DLGAP1: variants seen among roughly 807,000 people sequenced by gnomAD.
DLGAP1 encodes the protein DLG associated protein 1, also known as disks large-associated protein 1.
A neutral mutation model predicts 90.8 loss-of-function variants in DLGAP1; 11 were observed. That is an observed-to-expected ratio of 0.12 (90% CI 0.08 to 0.20). DLGAP1 has a LOEUF of 0.20. DLGAP1 is among the 10% of genes least tolerant of loss of function. DLGAP1 has a pLI of 1.00. For missense variants in DLGAP1, 1,050 were observed against 1,333.8 expected, an observed-to-expected ratio of 0.79 and a Z score of 3.31; for synonymous variants, 558 against 540.7, an observed-to-expected ratio of 1.03 and a Z score of -0.44.
intron 9 of DLGAP1, among the ~76,000 whole-genome samples, chr18:3,566,389 C>CACTA (rs1599274329): frequency 4.0e-5 from 6 of 150,582 alleles, no homozygotes; most frequent in Admixed American, 2.7e-4. Flanking sequence ...CACACACACA[C>CACTA]TATATATATA....
intron 1 of DLGAP1, among the ~76,000 whole-genome samples, chr18:4,436,897 T>C (rs1034886900): frequency 6.6e-6 from 1 of 152,210 alleles, no homozygotes. Context: ...AACAAAGTCC[T>C]ATTTATGCCA....
At chr18:4,178,115 T>C (rs2077142679) in intron 1 of DLGAP1, among the ~76,000 whole-genome samples, 1 of 151,976 alleles carries the variant, frequency 6.6e-6, no homozygotes, top group African/African-American at 2.4e-5. Flanking sequence ...AAGTATTATC[T>C]ACTTCTGAGA....
chr18:3,567,256 A>T (rs2054487526), intron 9 of DLGAP1, among the ~76,000 whole-genome samples: 1 of 152,174 alleles, frequency 6.6e-6, no homozygotes, highest in Admixed American at 6.5e-5. Flanking sequence ...TGCACACAGT[A>T]TTTATATGTA....
In DLGAP1 at chr18:3,916,731, C is replaced by T. The variant is rs1310718850; in HGVS notation, c.-72-36591G>A. ...TGTGCTTGCAACCATTAGGCTTCAC[C>T]GCCTCCTACCTAATCTAGGAGCTGA... On this transcript the variant is annotated intron_variant, in intron 3 of 12. Transcript: ENST00000315677. Among the ~76,000 whole-genome samples the T allele has an allele frequency of 3.9e-5, 6 of 152,206 alleles. 1 individual carries two copies. The South Asian group carries it at 6.2e-4, about 16-fold the overall frequency.
chr18:3,985,972 T>C (rs1033943323), intron 3 of DLGAP1: 6 of 152,228 alleles, frequency 3.9e-5, no homozygotes, highest in African/African-American at 1.4e-4. Flanking sequence ...CTCCATGATG[T>C]AGCGGAAAGT....
At chr18:4,326,415 T>C (rs751785963) in intron 1 of DLGAP1, among the ~76,000 whole-genome samples, 3 of 152,072 alleles carry the variant, frequency 2.0e-5, no homozygotes, top group Non-Finnish European at 4.4e-5. Context: ...AGTTCAGTCA[T>C]TGTGGAAAGC....
intron 3 of DLGAP1, among the ~76,000 whole-genome samples, chr18:3,922,614 A>G (rs556649166): frequency 6.6e-6 from 1 of 152,340 alleles, no homozygotes; most frequent in South Asian, 2.1e-4. Flanking sequence ...ATTCCTTTTA[A>G]TAGCTGCATA....
chr18:4,353,707 C>T (rs570545265), intron 1 of DLGAP1, among the ~76,000 whole-genome samples: 9 of 150,590 alleles, frequency 6.0e-5, no homozygotes, highest in Admixed American at 3.3e-4. Flanking sequence ...AACATACACA[C>T]GATATATAAA....
intron 10 of DLGAP1, among the ~76,000 whole-genome samples, chr18:3,513,957 A>C (rs532661349): frequency 6.6e-6 from 1 of 152,334 alleles, no homozygotes; most frequent in Non-Finnish European, 1.5e-5. Flanking sequence ...GCAAAGCTGC[A>C]AGGAGTTTCA....
intron 3 of DLGAP1, among the ~76,000 whole-genome samples, chr18:3,985,365 G>A (rs1238502994): frequency 6.6e-6 from 1 of 152,140 alleles, no homozygotes; most frequent in Admixed American, 6.5e-5. Context: ...TGGCTATTAA[G>A]TTACAAGCAA....
At chr18:3,530,515 G>A (rs760930459) in intron 10 of DLGAP1, among the ~76,000 whole-genome samples, 1 of 152,206 alleles carries the variant, frequency 6.6e-6, no homozygotes, top group Admixed American at 6.5e-5. Context: ...ATTGAAATCT[G>A]AAAGTTTGTG....
At position 3,496,100 on chromosome 18, in the gene DLGAP1, A is replaced by T. The variant is rs758655369; in HGVS notation, c.*3085T>A. 2.6e-5 allele frequency: 4 copies of T among 152,282 alleles called. No homozygotes were observed. The highest frequency in any genetic ancestry group is 5.9e-5 in the Non-Finnish European group (4 of 68,004). The allele number at this position is 152,282 out of a possible 1,614,324, so 9.4% of individuals were successfully genotyped here. On this transcript the variant is annotated 3_prime_UTR_variant, in exon 13 of 13. Coordinates refer to ENST00000315677, the MANE Select transcript of DLGAP1 (RefSeq NM_004746.4). Reference sequence around the variant, plus strand: ...TGGGAAACATTCATCTATTTACAATATTTTTTTGTTCACACACAATCTAGG... The same window carrying T: ...TGGGAAACATTCATCTATTTACAATTTTTTTTTGTTCACACACAATCTAGG...
chr18:4,438,486 A>G (rs2083455900), intron 1 of DLGAP1, among the ~76,000 whole-genome samples: 1 of 149,606 alleles, frequency 6.7e-6, no homozygotes, highest in Non-Finnish European at 1.5e-5. Context: ...ACATTTTTCA[A>G]CTGAAAGCAA....
At chr18:3,942,917 C>A (rs1420066659) in intron 3 of DLGAP1, among the ~76,000 whole-genome samples, 2 of 151,520 alleles carry the variant, frequency 1.3e-5, no homozygotes, top group Non-Finnish European at 2.9e-5. Flanking sequence ...GCTGGGACAC[C>A]AGGTGGGGTG....
At chr18:4,347,074 T>C (rs1389976805) in intron 1 of DLGAP1, among the ~76,000 whole-genome samples, 1 of 152,010 alleles carries the variant, frequency 6.6e-6, no homozygotes. Flanking sequence ...ACTACAGACA[T>C]CTATGTATAC....
chr18:3,760,102 T>C (rs941296219), intron 5 of DLGAP1, among the ~76,000 whole-genome samples: 11 of 152,190 alleles, frequency 7.2e-5, no homozygotes, highest in African/African-American at 1.9e-4. Flanking sequence ...GAATACATCA[T>C]TGTAATCCCC....
intron 7 of DLGAP1, among the ~76,000 whole-genome samples, chr18:3,625,706 G>T (rs1262837597): frequency 6.8e-6 from 1 of 146,482 alleles, no homozygotes; most frequent in Non-Finnish European, 1.5e-5. Flanking sequence ...AGTACATCAT[G>T]TTAGTTCAGA....
At chr18:3,931,976 T>C (rs2072526721) in intron 3 of DLGAP1, among the ~76,000 whole-genome samples, 1 of 152,148 alleles carries the variant, frequency 6.6e-6, no homozygotes, top group Non-Finnish European at 1.5e-5. Context: ...CTGTGCACCC[T>C]TGGTTTCTCA....
chr18:3,848,978 T>C (rs776695740), intron 4 of DLGAP1, among the ~76,000 whole-genome samples: 1 of 152,200 alleles, frequency 6.6e-6, no homozygotes, highest in Non-Finnish European at 1.5e-5. Context: ...CCCTGTGACA[T>C]GGTCCTGCAT....
Sources: gnomAD v4.1 joint callset for allele counts (sites outside exome capture counted in the v4.1 genomes callset) on GRCh38, gnomAD v4.1.1 for gene constraint, MANE v1.5 for transcripts, NCBI Gene and HGNC (gene_info 2026-07-23, HGNC 2026-07-21) for gene names.